Variants in MMD observed in about 807,000 individuals in gnomAD.
MMD encodes monocyte to macrophage differentiation factor.
In MMD, 22 loss-of-function variants were observed where a neutral mutation model predicts 33.6. That is an observed-to-expected ratio of 0.66 (90% confidence interval 0.47 to 0.94). MMD has a LOEUF of 0.94. Among genes scored for constraint, MMD ranks in the 40% least tolerant of loss-of-function variants. The pLI, the probability that MMD is intolerant of heterozygous loss-of-function variation, is 0.00. For missense variants in MMD, 242 were observed against 309.8 expected, an observed-to-expected ratio of 0.78 and a Z score of 1.64; for synonymous variants, 97 against 103.2, an observed-to-expected ratio of 0.94 and a Z score of 0.36.
intron 4 of MMD, among the ~76,000 whole-genome samples, chr17:55,405,888 G>A (rs1189684654): frequency 6.6e-6 from 1 of 152,198 alleles, no homozygotes; most frequent in Non-Finnish European, 1.5e-5. Flanking sequence ...ACTGGATTAT[G>A]TCTTGTAGAA....
intron 4 of MMD, among the ~76,000 whole-genome samples, chr17:55,406,370 G>T (rs1434134833): frequency 5.3e-5 from 8 of 152,028 alleles, no homozygotes; most frequent in Non-Finnish European, 1.2e-4. Context: ...CCCCAGGCTT[G>T]GTGACAGAGT....
At position 55,407,731 on chromosome 17, in the gene MMD, A is replaced by C. The variant is rs1598432691; in HGVS notation, c.344+15T>G. On this transcript the variant is annotated intron_variant, in intron 4 of 6. Transcript: ENST00000262065. The stretch of plus-strand genomic sequence containing the variant: ...TAAAATCACTACCTTCGAAAATAGG[A>C]AGACTGTATCTTACCATGGAGCATA... The C allele has an allele frequency of 6.3e-7, 1 of 1,588,344 alleles. No homozygotes were observed. The highest frequency in any genetic ancestry group is 1.8e-5 in the Admixed American group (1 of 54,862).
At chr17:55,402,345 C>T (rs1907381154) in intron 5 of MMD, among the ~76,000 whole-genome samples, 1 of 152,112 alleles carries the variant, frequency 6.6e-6, no homozygotes, top group Admixed American at 6.5e-5. Flanking sequence ...CTTTATTTTG[C>T]ACCTGCACAA....
chr17:55,406,568 A>AAAACAAAC (rs552314055), intron 4 of MMD, among the ~76,000 whole-genome samples: 1 of 151,814 alleles, frequency 6.6e-6, no homozygotes, highest in Non-Finnish European at 1.5e-5. Context: ...ACTCTGTCTC[A>AAAACAAAC]AAACAAACAA....
intron 1 of MMD, among the ~76,000 whole-genome samples, chr17:55,418,217 T>G (rs1363132777): frequency 1.3e-5 from 2 of 152,340 alleles, no homozygotes; most frequent in African/African-American, 2.4e-5. Context: ...TATGTCACAA[T>G]TGGTAAGACT....
intron 1 of MMD, among the ~76,000 whole-genome samples, chr17:55,417,417 T>C (rs1165225397): frequency 6.6e-6 from 1 of 152,034 alleles, no homozygotes; most frequent in African/African-American, 2.4e-5. Flanking sequence ...TCTGTACAAA[T>C]ACAAAGTCTC....
chr17:55,406,212 T>G (rs539177479), intron 4 of MMD, among the ~76,000 whole-genome samples: 1 of 151,984 alleles, frequency 6.6e-6, no homozygotes, highest in Admixed American at 6.5e-5. Context: ...CTGGGTAACA[T>G]GGCGAAACCT....
Position 55,414,154 on chromosome 17 carries a change from G to A in MMD, c.105C>T (p.His35=), listed in dbSNP as rs143668131. 102 of 1,613,592 alleles carry A rather than the reference G, an allele frequency of 6.3e-5. 2 individuals are homozygous for A. The Middle Eastern group carries it at 1.2e-3, about 18-fold the overall frequency. The change falls in exon 2 of 7, where the codon CAC becomes CAT. Residue 35 remains histidine, a synonymous_variant. Transcript: ENST00000262065. ...CYEHAANCYT[H]AFLIVPAIVG... Reference sequence around the variant, plus strand: ...ATGGTGGAAAACTTGTACTCACTGCGTGTGTGTAACAGTTAGCAGCATGTT... The same window carrying A: ...ATGGTGGAAAACTTGTACTCACTGCATGTGTGTAACAGTTAGCAGCATGTT...
At chr17:55,409,792 A>G (rs1046793978) in intron 3 of MMD, among the ~76,000 whole-genome samples, 2 of 152,210 alleles carry the variant, frequency 1.3e-5, no homozygotes, top group African/African-American at 4.8e-5. Context: ...TATTGATCCA[A>G]AATCTAGACA....
chr17:55,419,729 T>C (rs1908102987), intron 1 of MMD, among the ~76,000 whole-genome samples: 1 of 152,204 alleles, frequency 6.6e-6, no homozygotes, highest in South Asian at 2.1e-4. Flanking sequence ...CCAACCTAGC[T>C]TATGATAGAA....
At chr17:55,397,904 T>C (rs375558166) in intron 6 of MMD, among the ~76,000 whole-genome samples, 25 of 152,120 alleles carry the variant, frequency 1.6e-4, no homozygotes, top group African/African-American at 6.0e-4. Flanking sequence ...TGATAAAATG[T>C]CAGTGGTCAT....
Position 55,394,461 on chromosome 17 carries a change from C to T in MMD, c.590G>A (p.Ser197Asn). 6.5e-7 allele frequency: 1 copy of T among 1,548,650 alleles called. No individual in the cohort carries two copies. Among genetic ancestry groups the T allele is most frequent in the Non-Finnish European group, 8.7e-7 (1 of 1,151,584 alleles). The change falls in exon 7 of 7, where the codon AGT becomes AAT. Residue 197 changes from serine to asparagine, a missense_variant. Transcript: ENST00000262065. ...IYCLGVVFFK[S>N]DGIIPFAHAI... ...GTGGGCAAATGGAATGATGCCATCA[C>T]TCTTGAAGAACACAACTCCCAAGCA...
chr17:55,393,319 T>C lies in MMD; in HGVS notation c.*1015A>G, dbSNP rs1906987438. 1 of 150,780 alleles carries C rather than the reference T, an allele frequency of 6.6e-6. No individual in the cohort carries two copies. Among genetic ancestry groups the C allele is most frequent in the African/African-American group, 2.4e-5 (1 of 41,102 alleles). 9.3% of individuals were successfully genotyped at this position (150,780 alleles called of 1,614,324 possible). On this transcript the variant is annotated 3_prime_UTR_variant, in exon 7 of 7. Coordinates refer to ENST00000262065, the MANE Select transcript of MMD (RefSeq NM_012329.3). ...AGGCAGAAATGTGAATTTATGCATC[T>C]AGTTCCACAATTTAAAATAAATATC...
intron 2 of MMD, 78 bp downstream of exon 2, chr17:55,414,073 G>A: frequency 7.4e-7 from 1 of 1,353,894 alleles, no homozygotes; most frequent in Non-Finnish European, 1.1e-6. Context: ...ATTGTGCTGA[G>A]GTTACTAGAG....
chr17:55,409,978 C>T (rs1002063823), intron 3 of MMD, among the ~76,000 whole-genome samples: 2 of 152,140 alleles, frequency 1.3e-5, no homozygotes, highest in Admixed American at 6.6e-5. Context: ...TGATTCAATG[C>T]TGTGGTTTTA....
chr17:55,419,878 G>T (rs1297825818), intron 1 of MMD, among the ~76,000 whole-genome samples: 1 of 152,098 alleles, frequency 6.6e-6, no homozygotes, highest in Non-Finnish European at 1.5e-5. Context: ...CACACCAAAA[G>T]AAAATACCTG....
intron 4 of MMD, chr17:55,404,487 C>T: frequency 2.0e-6 from 2 of 985,408 alleles, no homozygotes; most frequent in Non-Finnish European, 2.4e-6. Flanking sequence ...AAACTGCTTG[C>T]CCTTTAATTT....
intron 6 of MMD, among the ~76,000 whole-genome samples, chr17:55,397,223 A>G: frequency 1.3e-5 from 2 of 151,304 alleles, no homozygotes; most frequent in Admixed American, 1.3e-4. Flanking sequence ...GTGCAGTGGC[A>G]CGATCTTGGC....
At chr17:55,411,702 T>C (rs1003735014) in intron 2 of MMD, among the ~76,000 whole-genome samples, 78 of 152,306 alleles carry the variant, frequency 5.1e-4, no homozygotes, top group African/African-American at 1.9e-3. Flanking sequence ...ATGGTTTTTT[T>C]TTTTTATCCT....
Sources: allele counts gnomAD v4.1 joint callset (sites outside exome capture counted in the v4.1 genomes callset), GRCh38; gene constraint gnomAD v4.1.1; transcripts MANE v1.5; gene names NCBI Gene and HGNC (gene_info 2026-07-23, HGNC 2026-07-21).